RANBP2: variants seen among roughly 807,000 people sequenced by gnomAD.
The protein encoded by RANBP2 is E3 SUMO-protein ligase RanBP2.
RANBP2 carries 57 observed loss-of-function variants against 303.6 expected under a neutral mutation model. That is an observed-to-expected ratio of 0.19 (90% CI 0.15 to 0.23). The LOEUF (loss-of-function observed/expected upper bound fraction) is 0.23. RANBP2 is among the 10% of genes least tolerant of loss of function. The probability of loss-of-function intolerance (pLI) is 1.00; values close to 1 mark genes in which losing one functional copy is unlikely to be tolerated. For synonymous variants in RANBP2, 1,167 were observed against 1,301.5 expected (o/e 0.90, Z 2.23); for missense variants, 3,138 against 3,780.8 (o/e 0.83, Z 4.46).
At chr2:109,272,830 G>T in the RANBP2 span, among the ~76,000 whole-genome samples, 85 of 152,330 alleles carry the variant, frequency 5.6e-4, no homozygotes, top group African/African-American at 2.0e-3. Flanking sequence ...CAGGCTTGGT[G>T]TGTGTGGGTT....
chr2:109,328,564 C>A, the RANBP2 span, among the ~76,000 whole-genome samples: 1 of 152,172 alleles, frequency 6.6e-6, no homozygotes, highest in African/African-American at 2.4e-5. Flanking sequence ...CCTCTGATTT[C>A]GACAGTGCAT....
chr2:109,198,369 TAAAC>T, the RANBP2 span, among the ~76,000 whole-genome samples: 1 of 49,890 alleles, frequency 2.0e-5, no homozygotes, highest in Non-Finnish European at 4.4e-5. Context: ...TGTGACAACT[TAAAC>T]AAAACTCAGT....
At chr2:109,530,378 A>G in the RANBP2 span, among the ~76,000 whole-genome samples, 9 of 152,270 alleles carry the variant, frequency 5.9e-5, no homozygotes, top group East Asian at 5.8e-4. Context: ...CCTCCACTCT[A>G]CGGAGTCCAA....
At chr2:109,069,398 G>A in the RANBP2 span, among the ~76,000 whole-genome samples, 1 of 152,236 alleles carries the variant, frequency 6.6e-6, no homozygotes, top group Non-Finnish European at 1.5e-5. Flanking sequence ...GTTGGCAGAC[G>A]TGTGTCTTGG....
the RANBP2 span, among the ~76,000 whole-genome samples, chr2:109,604,179 A>G: frequency 2.0e-4 from 30 of 147,440 alleles, no homozygotes; most frequent in African/African-American, 6.7e-4. Flanking sequence ...AAAAAAAAAA[A>G]GAATTAAAAA....
At chr2:108,802,559 A>G in the RANBP2 span, among the ~76,000 whole-genome samples, 4 of 145,278 alleles carry the variant, frequency 2.8e-5, no homozygotes, top group Non-Finnish European at 4.5e-5. Context: ...TAGATAAACA[A>G]TCATGTCGTC....
the RANBP2 span, chr2:108,857,066 CTTTTTTTTTTT>C: frequency 3.0e-4 from 13 of 44,064 alleles, no homozygotes; most frequent in African/African-American, 1.2e-3. Flanking sequence ...GATACTATTG[CTTTTTTTTTTT>C]TTTTTTTTTT....
At chr2:108,906,029 C>T in the RANBP2 span, among the ~76,000 whole-genome samples, 4 of 146,210 alleles carry the variant, frequency 2.7e-5, no homozygotes, top group East Asian at 1.9e-4. Flanking sequence ...TGCTGCTCAC[C>T]GACCCTGCGT....
the RANBP2 span, among the ~76,000 whole-genome samples, chr2:109,295,932 C>T: frequency 6.6e-6 from 1 of 152,134 alleles, no homozygotes; most frequent in East Asian, 1.9e-4. Flanking sequence ...CCTGCCTGTG[C>T]CGACACTGCT....
the RANBP2 span, among the ~76,000 whole-genome samples, chr2:109,113,803 T>C: frequency 2.9e-3 from 444 of 152,114 alleles, 3 homozygotes; most frequent in African/African-American, 0.01. Context: ...TTTTGAGATA[T>C]GTCCCATCAA....
At chr2:109,653,337 G>A in the RANBP2 span, among the ~76,000 whole-genome samples, 3 of 151,624 alleles carry the variant, frequency 2.0e-5, no homozygotes, top group Non-Finnish European at 4.4e-5. Flanking sequence ...AGAGTTTGGA[G>A]TGAGCCGAGT....
At chr2:109,251,698 A>G in the RANBP2 span, 81 of 930,266 alleles carry the variant, frequency 8.7e-5, no homozygotes, top group African/African-American at 8.4e-4. Flanking sequence ...CATAGGTTCT[A>G]TTTTACTATG....
At chr2:109,613,975 G>A in the RANBP2 span, 3 of 1,199,998 alleles carry the variant, frequency 2.5e-6, no homozygotes, top group African/African-American at 4.8e-5. Flanking sequence ...GGACAGGGGC[G>A]GGGCCGAGCT....
At chr2:109,663,273 A>T in the RANBP2 span, among the ~76,000 whole-genome samples, 8 of 152,276 alleles carry the variant, frequency 5.3e-5, no homozygotes, top group Admixed American at 2.0e-4. Flanking sequence ...CTCTCACAGC[A>T]CTTTGCACAT....
chr2:108,979,954 G>C, the RANBP2 span, among the ~76,000 whole-genome samples: 1 of 151,576 alleles, frequency 6.6e-6, no homozygotes, highest in Non-Finnish European at 1.5e-5. Context: ...CTGAGATGAG[G>C]TGTGCAAGTG....
At chr2:109,568,181 G>C in the RANBP2 span, among the ~76,000 whole-genome samples, 1 of 151,932 alleles carries the variant, frequency 6.6e-6, no homozygotes, top group South Asian at 2.1e-4. Flanking sequence ...CTTGTGTACT[G>C]TCTACAGTTG....
chr2:108,930,911 C>T, the RANBP2 span: 2 of 1,585,588 alleles, frequency 1.3e-6, no homozygotes, highest in Non-Finnish European at 1.7e-6. Context: ...AGAAACAGTC[C>T]AACCATCATG....
At chr2:109,348,720 G>T in the RANBP2 span, among the ~76,000 whole-genome samples, 1,319 of 152,210 alleles carry the variant, frequency 8.7e-3, 12 homozygotes, top group East Asian at 0.043. Context: ...TATCCAGGCT[G>T]CTTGCTGGGT....
chr2:109,676,838 TG>T, the RANBP2 span, among the ~76,000 whole-genome samples: 1 of 152,168 alleles, frequency 6.6e-6, no homozygotes, highest in African/African-American at 2.4e-5. Flanking sequence ...GAGAGGGTAA[TG>T]GGTTTCTCTT....
Sources: allele counts gnomAD v4.1 joint callset (sites outside exome capture counted in the v4.1 genomes callset), GRCh38; gene constraint gnomAD v4.1.1; transcripts MANE v1.5; gene names NCBI Gene and HGNC (gene_info 2026-07-23, HGNC 2026-07-21).